The following CSMD1 variants were observed in gnomAD, a reference collection of about 807,000 sequenced individuals.
CSMD1 encodes CUB and Sushi multiple domains 1.
CSMD1 carries 213 observed loss-of-function variants against 417.5 expected under a neutral mutation model. The observed-to-expected ratio is 0.51, with a 90% CI of 0.46 to 0.57. The LOEUF is 0.57. CSMD1 is among the 20% of genes least tolerant of loss of function. The pLI is 0.00. For missense variants in CSMD1, 6,923 were observed against 4,529.7 expected, an observed-to-expected ratio of 1.53 and a Z score of -15.17; for synonymous variants, 2,862 against 1,736.8, an observed-to-expected ratio of 1.65 and a Z score of -16.11.
intron 20 of CSMD1, 53 bp downstream of exon 20, chr8:3,366,979 G>T (rs143249684): frequency 2.2e-6 from 3 of 1,354,904 alleles, no homozygotes; most frequent in Non-Finnish European, 3.1e-6. Flanking sequence ...CTCACTAACA[G>T]AAATGGCAGT....
chr8:3,172,652 G>C (rs868511644), intron 37 of CSMD1, among the ~76,000 whole-genome samples: 2 of 152,156 alleles, frequency 1.3e-5, no homozygotes, highest in Non-Finnish European at 2.9e-5. Context: ...GGACACTTAA[G>C]GGGGGCAGAG....
intron 3 of CSMD1, among the ~76,000 whole-genome samples, chr8:4,327,157 A>G (rs1799605998): frequency 6.6e-6 from 1 of 152,194 alleles, no homozygotes; most frequent in African/African-American, 2.4e-5. Flanking sequence ...TAGACAACAA[A>G]TGTTAGATAC....
chr8:4,441,214 T>C (rs2129688216), intron 2 of CSMD1, among the ~76,000 whole-genome samples: 1 of 143,156 alleles, frequency 7.0e-6, no homozygotes, highest in East Asian at 2.2e-4. Flanking sequence ...TCCTCGCACG[T>C]CAGCCTCTTG....
intron 3 of CSMD1, among the ~76,000 whole-genome samples, chr8:4,033,088 T>C (rs1214529901): frequency 6.8e-6 from 1 of 146,830 alleles, no homozygotes; most frequent in Non-Finnish European, 1.5e-5. Context: ...TGATTCCATG[T>C]CTTTAGACAA....
intron 7 of CSMD1, among the ~76,000 whole-genome samples, chr8:3,623,649 T>C (rs1159487421): frequency 1.3e-5 from 2 of 152,154 alleles, no homozygotes; most frequent in Non-Finnish European, 2.9e-5. Context: ...ACCCATTTTA[T>C]AAGAAAGAAA....
intron 2 of CSMD1, among the ~76,000 whole-genome samples, chr8:4,577,685 C>A (rs528417730): frequency 2.0e-5 from 3 of 152,180 alleles, no homozygotes; most frequent in African/African-American, 7.2e-5. Flanking sequence ...TAAGAGAGGA[C>A]AAATTGCTCC....
At chr8:4,648,875 G>A (rs998700482) in intron 1 of CSMD1, among the ~76,000 whole-genome samples, 3 of 152,116 alleles carry the variant, frequency 2.0e-5, no homozygotes, top group African/African-American at 4.8e-5. Flanking sequence ...CAGTAACAAC[G>A]TCACAAAGGA....
intron 1 of CSMD1, among the ~76,000 whole-genome samples, chr8:4,916,405 T>G (rs1806071033): frequency 6.6e-6 from 1 of 152,230 alleles, no homozygotes; most frequent in African/African-American, 2.4e-5. Context: ...TTGGAACACA[T>G]ATGCACATAT....
At chr8:4,913,113 C>A (rs531658801) in intron 1 of CSMD1, among the ~76,000 whole-genome samples, 17 of 152,036 alleles carry the variant, frequency 1.1e-4, no homozygotes, top group Non-Finnish European at 1.8e-4. Flanking sequence ...TAAAAAAAAT[C>A]GTGAGGGATC....
At chr8:4,305,478 A>G (rs1798196018) in intron 3 of CSMD1, among the ~76,000 whole-genome samples, 1 of 152,216 alleles carries the variant, frequency 6.6e-6, no homozygotes, top group Non-Finnish European at 1.5e-5. Context: ...TGTAAAATTA[A>G]TGTGCTTTTA....
At chr8:4,243,965 G>A (rs923781692) in intron 3 of CSMD1, among the ~76,000 whole-genome samples, 1 of 152,154 alleles carries the variant, frequency 6.6e-6, no homozygotes, top group Non-Finnish European at 1.5e-5. Flanking sequence ...GTAGCAGGTG[G>A]GAACGGGTTA....
chr8:4,116,098 A>T (rs1164398276), intron 3 of CSMD1, among the ~76,000 whole-genome samples: 1 of 151,830 alleles, frequency 6.6e-6, no homozygotes, highest in Non-Finnish European at 1.5e-5. Context: ...TCCTGGGTTC[A>T]AGCGATTTTC....
chr8:3,422,224 C>T (rs1358155624), intron 12 of CSMD1, among the ~76,000 whole-genome samples: 1 of 152,134 alleles, frequency 6.6e-6, no homozygotes, highest in East Asian at 1.9e-4. Flanking sequence ...CTGCTGTTTC[C>T]TCAAGGGCTG....
intron 7 of CSMD1, among the ~76,000 whole-genome samples, chr8:3,701,567 G>A (rs1399823825): frequency 6.6e-6 from 1 of 151,632 alleles, no homozygotes; most frequent in African/African-American, 2.4e-5. Context: ...ACCCACTAGT[G>A]TATTTTATTT....
intron 7 of CSMD1, among the ~76,000 whole-genome samples, chr8:3,690,963 G>C (rs573458513): frequency 1.3e-5 from 2 of 152,244 alleles, no homozygotes; most frequent in East Asian, 1.9e-4. Flanking sequence ...GATTTGACTG[G>C]TTAATGCATG....
intron 2 of CSMD1, among the ~76,000 whole-genome samples, chr8:4,594,147 G>C (rs997691655): frequency 3.3e-5 from 5 of 149,432 alleles, no homozygotes; most frequent in Non-Finnish European, 7.4e-5. Context: ...TGTTGAATTA[G>C]GACCCACTCC....
At chr8:4,057,089 T>C (rs1365346952) in intron 3 of CSMD1, among the ~76,000 whole-genome samples, 1 of 152,206 alleles carries the variant, frequency 6.6e-6, no homozygotes, top group East Asian at 1.9e-4. Context: ...TTTGTAGTTC[T>C]AGATCCCTGA....
intron 5 of CSMD1, among the ~76,000 whole-genome samples, chr8:3,914,281 A>G (rs534718917): frequency 6.6e-4 from 100 of 152,154 alleles, no homozygotes; most frequent in Non-Finnish European, 1.2e-3. Context: ...TTTGGAGAGA[A>G]AGGGTCACAG....
intron 1 of CSMD1, among the ~76,000 whole-genome samples, chr8:4,958,861 A>T (rs1232110737): frequency 6.6e-6 from 1 of 152,200 alleles, no homozygotes; most frequent in African/African-American, 2.4e-5. Flanking sequence ...AGTCAAAGAA[A>T]GCAGGTAATT....
Sources: allele counts gnomAD v4.1 joint callset (sites outside exome capture counted in the v4.1 genomes callset), GRCh38; gene constraint gnomAD v4.1.1; transcripts MANE v1.5; gene names NCBI Gene and HGNC (gene_info 2026-07-23, HGNC 2026-07-21).